Variants in VDR observed in about 807,000 individuals in gnomAD.
The protein encoded by VDR is vitamin D3 receptor.
VDR carries 19 observed loss-of-function variants against 39.7 expected under a neutral mutation model. The ratio of observed to expected loss-of-function variants is 0.48; its 90% confidence interval spans 0.33 to 0.70. The LOEUF (loss-of-function observed/expected upper bound fraction) is 0.70, where lower values mean the gene tolerates loss of function less well. VDR is among the 30% of genes least tolerant of loss of function. The pLI, the probability that VDR is intolerant of heterozygous loss-of-function variation, is 0.02. For missense variants in VDR, 442 were observed against 570.5 expected, an observed-to-expected ratio of 0.77 and a Z score of 2.29; for synonymous variants, 242 against 215.8, an observed-to-expected ratio of 1.12 and a Z score of -1.07.
rs754649430 is a variant in VDR at position 47,846,630 on chromosome 12, T to C, written c.907+27A>G. 4.3e-6 allele frequency: 7 copies of C among 1,612,730 alleles called. No individual in the cohort carries two copies. The South Asian group carries it at 6.6e-5, about 15-fold the overall frequency. On this transcript the variant is annotated intron_variant, in intron 8 of 9. Coordinates refer to ENST00000549336, the MANE Select transcript of VDR (RefSeq NM_000376.3). ...CCAGAATCTGGGAGCTGAAAAAGAC[T>C]CCCCAGGAGGTGGAGTCTAGGCATA...
chr12:47,850,484 T>C (rs1945363853), intron 7 of VDR, among the ~76,000 whole-genome samples: 1 of 152,192 alleles, frequency 6.6e-6, no homozygotes, highest in Non-Finnish European at 1.5e-5. Context: ...GAACACATCT[T>C]CCATGGATGC....
At chr12:47,895,429 G>T (rs1946446798) in intron 1 of VDR, among the ~76,000 whole-genome samples, 1 of 152,204 alleles carries the variant, frequency 6.6e-6, no homozygotes, top group African/African-American at 2.4e-5. Context: ...GAAAGGAAAG[G>T]AGGGGAAGGT....
At chr12:47,852,672 G>T (rs982462973) in intron 7 of VDR, among the ~76,000 whole-genome samples, 2 of 152,180 alleles carry the variant, frequency 1.3e-5, no homozygotes, top group African/African-American at 4.8e-5. Flanking sequence ...TGTTATTTGG[G>T]TTGGTGAGAG....
intron 3 of VDR, among the ~76,000 whole-genome samples, chr12:47,871,290 TTC>T (rs56200402): frequency 0.02 from 1,603 of 80,074 alleles, 30 homozygotes; most frequent in Non-Finnish European, 0.032. Context: ...TTCTTTCTCT[TTC>T]TCTTTCTTTC....
Position 47,857,128 on chromosome 12 carries a change from C to T in VDR, c.583+1G>A, listed in dbSNP as rs765472666. 1 of 1,614,106 alleles carries T rather than the reference C, an allele frequency of 6.2e-7. No individual in the cohort carries two copies. The highest frequency in any genetic ancestry group is 8.5e-7 in the Non-Finnish European group (1 of 1,180,004). ...CTATGGAGGACTGAAGTCCTGCTTACCTGAAGAGGTGATACAGTGATCTGA... is the reference window on the plus strand; with the variant it reads ...CTATGGAGGACTGAAGTCCTGCTTATCTGAAGAGGTGATACAGTGATCTGA... On this transcript the variant is annotated splice_donor_variant, in intron 6 of 9. Coordinates refer to ENST00000549336, the MANE Select transcript of VDR (RefSeq NM_000376.3). LOFTEE classifies it high-confidence loss of function.
At chr12:47,900,003 T>G (rs1344847723) in intron 1 of VDR, 2 of 966,468 alleles carry the variant, frequency 2.1e-6, no homozygotes, top group African/African-American at 3.5e-5. Context: ...AAAGTGAGAA[T>G]AGCTCCCCAT....
chr12:47,859,193 A>G (rs367833968), intron 4 of VDR, among the ~76,000 whole-genome samples: 6 of 152,316 alleles, frequency 3.9e-5, no homozygotes, highest in East Asian at 1.9e-4. Context: ...CCTGGGGACC[A>G]GAGTTAGGGA....
intron 9 of VDR, 44 bp from the exon 10 acceptor site, chr12:47,845,049 T>A (rs372256487): frequency 1.2e-6 from 2 of 1,603,296 alleles, no homozygotes; most frequent in African/African-American, 2.7e-5. Flanking sequence ...AGCTCTCAGC[T>A]GGGCCCCTCA....
intron 4 of VDR, 41 bp from the exon 5 acceptor site, chr12:47,857,729 C>T (rs1195516151): frequency 1.2e-6 from 2 of 1,603,464 alleles, no homozygotes; most frequent in East Asian, 4.5e-5. Context: ...TGGCCAGCAG[C>T]TCCTCCAGGA....
intron 4 of VDR, among the ~76,000 whole-genome samples, chr12:47,859,633 A>G (rs376857673): frequency 1.3e-5 from 2 of 151,980 alleles, no homozygotes; most frequent in South Asian, 4.2e-4. Context: ...GCTGAGCCTC[A>G]TTTCCTATGC....
At chr12:47,893,650 G>A (rs1241307939) in intron 1 of VDR, among the ~76,000 whole-genome samples, 2 of 152,176 alleles carry the variant, frequency 1.3e-5, no homozygotes, top group African/African-American at 4.8e-5. Flanking sequence ...GTTGCCCACA[G>A]CCGCAGGATC....
intron 7 of VDR, among the ~76,000 whole-genome samples, chr12:47,853,336 G>A (rs1945423306): frequency 6.6e-6 from 1 of 151,838 alleles, no homozygotes. Flanking sequence ...CCAGCTACTC[G>A]GGAGACTGAG....
rs76683115 is a variant in VDR, at chr12:47,870,429, C to T, written c.147-5252G>A. On this transcript the variant is annotated intron_variant, in intron 3 of 9. Transcript: ENST00000549336. Reference sequence around the variant, plus strand: ...GCCTCAGCTGCTCTCTGAGCCTGGACCCTGTCATCCTCTGGTTGGTTGGCA... The same window carrying T: ...GCCTCAGCTGCTCTCTGAGCCTGGATCCTGTCATCCTCTGGTTGGTTGGCA... 4.8e-3 allele frequency among the ~76,000 whole-genome samples: 727 copies of T among 152,282 alleles called. 7 individuals are homozygous for T. Among genetic ancestry groups the T allele is most frequent in the African/African-American group, 0.017 (698 of 41,524 alleles).
intron 1 of VDR, among the ~76,000 whole-genome samples, chr12:47,895,410 AGGAGG>A (rs1271696911): frequency 6.6e-6 from 1 of 152,226 alleles, no homozygotes; most frequent in East Asian, 1.9e-4. Flanking sequence ...GGAGAGAAGG[AGGAGG>A]GGAGAAAGGA....
chr12:47,864,111 G>A (rs548735447), intron 4 of VDR, among the ~76,000 whole-genome samples: 5 of 152,298 alleles, frequency 3.3e-5, no homozygotes, highest in African/African-American at 1.2e-4. Flanking sequence ...AGGGCCGGGT[G>A]GGGGTCTGGA....
chr12:47,857,071 T>A (rs1945503235), intron 6 of VDR, 58 bp downstream of exon 6: 1 of 1,610,200 alleles, frequency 6.2e-7, no homozygotes, highest in African/African-American at 1.3e-5. Flanking sequence ...CCAGGGCAGG[T>A]GCGGTGGACT....
chr12:47,854,485 C>T (rs1237609007), intron 7 of VDR, among the ~76,000 whole-genome samples: 2 of 152,196 alleles, frequency 1.3e-5, no homozygotes, highest in African/African-American at 4.8e-5. Flanking sequence ...TGCCAGTAAA[C>T]CTATCTCTCT....
intron 1 of VDR, among the ~76,000 whole-genome samples, chr12:47,902,536 C>T (rs1160549757): frequency 6.6e-6 from 1 of 152,226 alleles, no homozygotes; most frequent in African/African-American, 2.4e-5. Context: ...TTAATCAAAT[C>T]TGGTCAATTC....
chr12:47,889,870 A>G (rs1335084411), intron 1 of VDR, among the ~76,000 whole-genome samples: 1 of 151,852 alleles, frequency 6.6e-6, no homozygotes. Context: ...CTTCCAAGCC[A>G]CTCCCAAGCC....
Sources: gnomAD v4.1 joint callset for allele counts (sites outside exome capture counted in the v4.1 genomes callset) on GRCh38, gnomAD v4.1.1 for gene constraint, MANE v1.5 for transcripts, NCBI Gene and HGNC (gene_info 2026-07-23, HGNC 2026-07-21) for gene names.